The following LIN28B variants were observed in gnomAD, a reference collection of about 807,000 sequenced individuals.
LIN28B encodes the protein protein lin-28 homolog B.
In LIN28B, 5 loss-of-function variants were observed where a neutral mutation model predicts 21.9. That is an observed-to-expected ratio of 0.23 (90% CI 0.12 to 0.48). The LOEUF is 0.48. Among genes scored for constraint, LIN28B ranks in the 20% least tolerant of loss-of-function variants. The pLI is 0.98. For synonymous variants in LIN28B, 109 were observed against 111.3 expected (o/e 0.98, Z 0.13); for missense variants, 245 against 310.5 (o/e 0.79, Z 1.58).
chr6:105,048,512 C>G (rs1238646071), intron 3 of LIN28B, among the ~76,000 whole-genome samples: 1 of 152,186 alleles, frequency 6.6e-6, no homozygotes, highest in Non-Finnish European at 1.5e-5. Context: ...GCTTTGGTAT[C>G]AGGATGATGC....
upstream of LIN28B, among the ~76,000 whole-genome samples, chr6:104,956,254 A>G (rs1041764043): frequency 2.7e-5 from 4 of 149,778 alleles, no homozygotes; most frequent in East Asian, 2.0e-4. Context: ...CTCCTGCCCT[A>G]TGTCCTCCAG....
At chr6:105,029,521 A>G (rs193184070) in intron 3 of LIN28B, among the ~76,000 whole-genome samples, 2 of 151,964 alleles carry the variant, frequency 1.3e-5, no homozygotes, top group Non-Finnish European at 2.9e-5. Flanking sequence ...TCTCTTTTTT[A>G]TGCTGGTTTT....
Position 104,950,536 on chromosome 6 carries a change from ATTTTG to A in LIN28B, c.67+31_67+35del, listed in dbSNP as rs1778209131. 3.5e-6 allele frequency: 4 copies of A among 1,140,416 alleles called. No homozygotes were observed. In the South Asian group the frequency reaches 1.8e-4, roughly 51 times the overall value. The allele number at this position is 1,140,416 out of a possible 1,614,324, so 70.6% of individuals were successfully genotyped here. On this transcript the variant is annotated intron_variant, in intron 3 of 5. Transcript: ENST00000635857. ...TTAGTCTTTTTTTTTTTTTTTAAAT[ATTTTG>A]TTTAATTAATGTTTTAAAAGATCAA...
chr6:104,979,027 A>G (rs1168467716), intron 2 of LIN28B, among the ~76,000 whole-genome samples: 2 of 152,194 alleles, frequency 1.3e-5, no homozygotes, highest in Non-Finnish European at 2.9e-5. Flanking sequence ...AACATTAGAC[A>G]TAAGAAACTA....
chr6:104,946,940 T>C (rs1205658767), intron 2 of LIN28B, among the ~76,000 whole-genome samples: 1 of 152,162 alleles, frequency 6.6e-6, no homozygotes, highest in Non-Finnish European at 1.5e-5. Context: ...ATTTTTCTTA[T>C]TATGGTGAAT....
intron 2 of LIN28B, among the ~76,000 whole-genome samples, chr6:104,961,326 C>T (rs750252736): frequency 3.9e-5 from 6 of 152,056 alleles, no homozygotes; most frequent in African/African-American, 1.2e-4. Context: ...AAGAATTTCT[C>T]GAGTAATACA....
chr6:105,065,351 CAA>C (rs968582751), intron 3 of LIN28B, among the ~76,000 whole-genome samples: 1 of 152,222 alleles, frequency 6.6e-6, no homozygotes, highest in African/African-American at 2.4e-5. Context: ...AAGACCTACA[CAA>C]GAGAAGATAA....
At chr6:104,942,494 GAA>G (rs1778108291) in intron 2 of LIN28B, among the ~76,000 whole-genome samples, 1 of 151,988 alleles carries the variant, frequency 6.6e-6, no homozygotes, top group Admixed American at 6.6e-5. Flanking sequence ...CAATTTGTAT[GAA>G]AAAATAAATT....
intron 2 of LIN28B, among the ~76,000 whole-genome samples, chr6:104,995,578 G>T (rs1247097440): frequency 6.6e-6 from 1 of 152,128 alleles, no homozygotes; most frequent in East Asian, 1.9e-4. Context: ...TAGTGAAATA[G>T]AAAATGTAGA....
intron 2 of LIN28B, among the ~76,000 whole-genome samples, chr6:104,946,336 T>C (rs923430913): frequency 6.6e-6 from 1 of 152,136 alleles, no homozygotes; most frequent in East Asian, 1.9e-4. Context: ...CATTTCCAGC[T>C]ACATCTATGA....
At chr6:105,029,777 A>C (rs2114346848) in intron 3 of LIN28B, among the ~76,000 whole-genome samples, 1 of 152,320 alleles carries the variant, frequency 6.6e-6, no homozygotes, top group Middle Eastern at 3.4e-3. Context: ...ACAGTCATTA[A>C]AATGATTTAA....
intron 2 of LIN28B, among the ~76,000 whole-genome samples, chr6:104,946,361 T>G (rs1207161254): frequency 6.6e-6 from 1 of 152,144 alleles, no homozygotes; most frequent in Non-Finnish European, 1.5e-5. Context: ...AGTAGGATGT[T>G]CAGTTAAATT....
At chr6:105,008,575 T>C (rs1190258503) in intron 2 of LIN28B, among the ~76,000 whole-genome samples, 15 of 146,876 alleles carry the variant, frequency 1.0e-4, no homozygotes, top group Non-Finnish European at 2.2e-4. Flanking sequence ...ACCCGGGAGG[T>C]GGAGTTTGCA....
intron 2 of LIN28B, among the ~76,000 whole-genome samples, chr6:105,025,562 G>A (rs1351787332): frequency 6.6e-6 from 1 of 152,094 alleles, no homozygotes; most frequent in African/African-American, 2.4e-5. Flanking sequence ...GAACGGGACT[G>A]GAGAAAACGA....
rs184290297 is a variant in LIN28B, at chr6:105,081,759, G to C, written c.*2976G>C. On this transcript the variant is annotated 3_prime_UTR_variant, in exon 4 of 4. Coordinates refer to ENST00000345080, the MANE Select transcript of LIN28B (RefSeq NM_001004317.4). ...GAAGGGGTAGCAGGGAGAGGGGTTG[G>C]TGTATGCAGGTATTCATGCTAGGCA... 940 of 152,736 alleles carry C rather than the reference G, an allele frequency of 6.2e-3. 8 individuals carry two copies. Among genetic ancestry groups the C allele is most frequent in the Non-Finnish European group, 0.01 (708 of 68,110 alleles). 9.5% of individuals were successfully genotyped at this position (152,736 alleles called of 1,614,324 possible). A position where few individuals can be genotyped will look rare whatever the true frequency, so the allele number is the denominator to read the frequency against.
At chr6:105,006,959 C>T (rs1438040760) in intron 2 of LIN28B, among the ~76,000 whole-genome samples, 1 of 152,124 alleles carries the variant, frequency 6.6e-6, no homozygotes, top group Non-Finnish European at 1.5e-5. Flanking sequence ...CAAGGGTGAC[C>T]AGAATATTTG....
At chr6:105,045,369 C>T (rs1304791295) in intron 3 of LIN28B, among the ~76,000 whole-genome samples, 2 of 149,842 alleles carry the variant, frequency 1.3e-5, no homozygotes, top group East Asian at 3.9e-4. Context: ...TCACTGCAAC[C>T]TCTGCCTCCC....
intron 3 of LIN28B, among the ~76,000 whole-genome samples, chr6:105,036,512 A>G (rs1771525094): frequency 6.6e-6 from 1 of 152,104 alleles, no homozygotes; most frequent in South Asian, 2.1e-4. Context: ...TGTTTCCTTC[A>G]TTCACATTAT....
chr6:105,027,653 G>A (rs1252240827), intron 3 of LIN28B, among the ~76,000 whole-genome samples: 1 of 151,934 alleles, frequency 6.6e-6, no homozygotes, highest in Non-Finnish European at 1.5e-5. Flanking sequence ...AGACAAGTCT[G>A]TGACTCTCCT....
Sources: gnomAD v4.1 joint callset for allele counts (sites outside exome capture counted in the v4.1 genomes callset) on GRCh38, gnomAD v4.1.1 for gene constraint, MANE v1.5 for transcripts, NCBI Gene and HGNC (gene_info 2026-07-23, HGNC 2026-07-21) for gene names.